Variants in G2E3 observed in about 807,000 individuals in gnomAD.
G2E3 encodes the protein G2/M-phase specific E3 ubiquitin protein ligase.
A neutral mutation model predicts 92.8 loss-of-function variants in G2E3; 35 were observed. The ratio of observed to expected loss-of-function variants is 0.38; its 90% confidence interval spans 0.29 to 0.50. G2E3 has a LOEUF of 0.50. G2E3 is among the 20% of genes least tolerant of loss of function. The pLI is 0.94. For missense variants in G2E3, 554 were observed against 823.8 expected, an observed-to-expected ratio of 0.67 and a Z score of 4.01; for synonymous variants, 242 against 272.4, an observed-to-expected ratio of 0.89 and a Z score of 1.10.
intron 13 of G2E3, among the ~76,000 whole-genome samples, chr14:30,614,309 G>A (rs1222878421): frequency 2.0e-5 from 3 of 152,174 alleles, no homozygotes; most frequent in African/African-American, 7.2e-5. Flanking sequence ...ATAAAGAAAA[G>A]AAATTTATTT....
intron 1 of G2E3, among the ~76,000 whole-genome samples, chr14:30,571,777 T>A (rs1879777083): frequency 6.6e-6 from 1 of 152,100 alleles, no homozygotes; most frequent in Non-Finnish European, 1.5e-5. Flanking sequence ...TATATCTGAC[T>A]TTTCCCTTAT....
At chr14:30,595,718 G>C (rs2138861960) in intron 6 of G2E3, among the ~76,000 whole-genome samples, 1 of 152,210 alleles carries the variant, frequency 6.6e-6, no homozygotes, top group Admixed American at 6.5e-5. Context: ...TTTGTACTCT[G>C]GTATCGGTCT....
intron 11 of G2E3, among the ~76,000 whole-genome samples, chr14:30,607,563 T>C (rs1341041337): frequency 6.6e-6 from 1 of 152,194 alleles, no homozygotes; most frequent in African/African-American, 2.4e-5. Context: ...CATTATAATC[T>C]TAGGGACCAC....
intron 6 of G2E3, among the ~76,000 whole-genome samples, chr14:30,595,138 TA>T (rs903703131): frequency 2.6e-5 from 4 of 151,802 alleles, no homozygotes; most frequent in African/African-American, 7.2e-5. Flanking sequence ...ATTCTGTCTT[TA>T]AAAAAAATGC....
At position 30,619,581 on chromosome 14, in the gene G2E3, A is replaced by G. The variant is rs1321962101; in HGVS notation, c.*3047A>G. ...AACATAACCCATTTAATGATGAATT[A>G]CTTGAATGTATATTATCTGTGGTTT... On this transcript the variant is annotated 3_prime_UTR_variant, in exon 15 of 15. Transcript: ENST00000206595. The G allele has an allele frequency of 6.6e-6, 1 of 152,186 alleles. No homozygotes were observed. The highest frequency in any genetic ancestry group is 1.5e-5 in the Non-Finnish European group (1 of 67,990). 9.4% of individuals were successfully genotyped at this position (152,186 alleles called of 1,614,324 possible). A position where few individuals can be genotyped will look rare whatever the true frequency, so the allele number is the denominator to read the frequency against.
chr14:30,561,827 T>C (rs994825219), intron 1 of G2E3, among the ~76,000 whole-genome samples: 3 of 151,950 alleles, frequency 2.0e-5, no homozygotes, highest in African/African-American at 7.3e-5. Flanking sequence ...TGTCTTGGGT[T>C]AATGACTCAA....
chr14:30,582,914 A>T (rs1261807666), intron 2 of G2E3, among the ~76,000 whole-genome samples: 1 of 152,310 alleles, frequency 6.6e-6, no homozygotes, highest in South Asian at 2.1e-4. Flanking sequence ...TGAGCAGCCT[A>T]TTAACAAATA....
intron 8 of G2E3, among the ~76,000 whole-genome samples, chr14:30,600,823 G>C (rs1881533238): frequency 1.3e-5 from 2 of 152,204 alleles, no homozygotes; most frequent in South Asian, 4.1e-4. Flanking sequence ...GTGAACTTGA[G>C]TGGACAAGTT....
chr14:30,579,334 G>A (rs1411362481), intron 1 of G2E3, among the ~76,000 whole-genome samples: 1 of 152,070 alleles, frequency 6.6e-6, no homozygotes, highest in Admixed American at 6.6e-5. Flanking sequence ...AATCTTAATG[G>A]CATAGAATAT....
At chr14:30,602,861 C>G (rs893755403) in intron 10 of G2E3, 1 of 152,224 alleles carries the variant, frequency 6.6e-6, no homozygotes, top group African/African-American at 2.4e-5. Flanking sequence ...GTCCTCCCAC[C>G]TTTGCCTCCC....
intron 10 of G2E3, among the ~76,000 whole-genome samples, chr14:30,605,167 A>T (rs1881771103): frequency 6.6e-6 from 1 of 152,172 alleles, no homozygotes; most frequent in Non-Finnish European, 1.5e-5. Context: ...AAGTGCTGGG[A>T]TTACAGGTGT....
intron 3 of G2E3, among the ~76,000 whole-genome samples, chr14:30,588,323 TAGG>T (rs778172022): frequency 9.7e-5 from 14 of 145,046 alleles, no homozygotes; most frequent in Non-Finnish European, 1.8e-4. Context: ...GCAGTAGAAT[TAGG>T]AGAGCCATTT....
At chr14:30,597,000 A>C (rs1157593636) in intron 6 of G2E3, among the ~76,000 whole-genome samples, 1 of 152,242 alleles carries the variant, frequency 6.6e-6, no homozygotes, top group Non-Finnish European at 1.5e-5. Context: ...TTTTGGGAAG[A>C]AAGCTGTCTT....
intron 1 of G2E3, among the ~76,000 whole-genome samples, chr14:30,564,095 T>C (rs1368819273): frequency 6.6e-6 from 1 of 152,226 alleles, no homozygotes; most frequent in South Asian, 2.1e-4. Flanking sequence ...TGGTATACAA[T>C]TTGTATGCAA....
intron 1 of G2E3, among the ~76,000 whole-genome samples, chr14:30,561,439 G>C (rs1053630546): frequency 6.6e-6 from 1 of 152,028 alleles, no homozygotes; most frequent in African/African-American, 2.4e-5. Flanking sequence ...AAATTTCTTA[G>C]CTTTGCTTTT....
At chr14:30,613,213 T>C (rs920733733) in intron 13 of G2E3, among the ~76,000 whole-genome samples, 3 of 152,198 alleles carry the variant, frequency 2.0e-5, no homozygotes, top group South Asian at 2.1e-4. Context: ...CTAACACTTA[T>C]TAACTTGTGC....
chr14:30,592,372 C>G lies in G2E3; in HGVS notation c.287C>G (p.Pro96Arg), dbSNP rs1881059519. Residue 96 changes from proline (P) to arginine (R), a missense_variant, in exon 5 of 15, where the codon CCC becomes CGC. Physicochemically the swap from Pro to Arg is moderately radical, Grantham distance 103 (BLOSUM62 -2). Transcript: ENST00000206595. ...KNGASIGCVA[P>R]RCKRSYHFPC... ...GGTGCTTCAATTGGATGTGTTGCAC[C>G]CCGATGTAAACGAAGTTATCATTTC... 1.9e-6 allele frequency: 3 copies of G among 1,608,960 alleles called. No individual in the cohort carries two copies. The highest frequency in any genetic ancestry group is 1.7e-6 in the Non-Finnish European group (2 of 1,177,270).
chr14:30,587,470 T>C (rs908723289), intron 3 of G2E3, among the ~76,000 whole-genome samples: 21 of 152,252 alleles, frequency 1.4e-4, no homozygotes, highest in African/African-American at 4.8e-4. Context: ...AGTTATCTGC[T>C]GCTTAAAAAA....
chr14:30,567,717 A>G (rs1879523308), intron 1 of G2E3, among the ~76,000 whole-genome samples: 1 of 151,446 alleles, frequency 6.6e-6, no homozygotes, highest in Non-Finnish European at 1.5e-5. Flanking sequence ...TTCTTTGGGC[A>G]TATAGTTGGG....
Sources: allele counts gnomAD v4.1 joint callset (sites outside exome capture counted in the v4.1 genomes callset), GRCh38; gene constraint gnomAD v4.1.1; transcripts MANE v1.5; gene names NCBI Gene and HGNC (gene_info 2026-07-23, HGNC 2026-07-21).